The following AGBL4 variants were observed in gnomAD, a reference collection of about 807,000 sequenced individuals.
AGBL4 encodes the protein cytosolic carboxypeptidase 6.
A neutral mutation model predicts 66.4 loss-of-function variants in AGBL4; 58 were observed. The observed-to-expected ratio is 0.87, with a 90% CI of 0.71 to 1.09. The LOEUF (loss-of-function observed/expected upper bound fraction) is 1.09. AGBL4 is among the 50% of genes least tolerant of loss of function. AGBL4 has a pLI of 0.00. For missense variants in AGBL4, 579 were observed against 631.0 expected (o/e 0.92, Z 0.88); for synonymous variants, 234 against 222.9 (o/e 1.05, Z -0.44).
rs370337419 is a variant in AGBL4 at position 49,423,574 on chromosome 1, C to T, written c.283-177710G>A. Among the ~76,000 whole-genome samples the T allele has an allele frequency of 3.5e-4, 53 of 152,184 alleles. 1 individual carries two copies. In the South Asian group the frequency reaches 9.8e-3, roughly 28 times the overall value. On this transcript the variant is annotated intron_variant, in intron 3 of 13. Coordinates refer to ENST00000371839, the MANE Select transcript of AGBL4 (RefSeq NM_032785.4). ...CCTGTAATCCCAGCACTTTGGGAGG[C>T]CAAGGTGGGCAGATCACCTGAAGTC...
intron 6 of AGBL4, chr1:48,776,811 G>C (rs567114347): frequency 6.1e-5 from 93 of 1,521,822 alleles, no homozygotes; most frequent in Admixed American, 6.3e-5. Flanking sequence ...TGTCCTCCAG[G>C]AACCGCACAA....
intron 3 of AGBL4, among the ~76,000 whole-genome samples, chr1:49,486,087 G>T (rs1315180084): frequency 2.6e-5 from 4 of 151,932 alleles, no homozygotes; most frequent in South Asian, 2.1e-4. Context: ...TTTGGAAGGA[G>T]TCTGTGGAGT....
intron 2 of AGBL4, chr1:49,845,674 G>A: frequency 1.2e-6 from 2 of 1,605,366 alleles, no homozygotes; most frequent in South Asian, 2.2e-5. Flanking sequence ...TGAGTGCAGT[G>A]AGTCTGGGAA....
intron 3 of AGBL4, among the ~76,000 whole-genome samples, chr1:49,553,334 A>T (rs1370703391): frequency 6.6e-6 from 1 of 152,206 alleles, no homozygotes; most frequent in Non-Finnish European, 1.5e-5. Flanking sequence ...TGTCATAGTG[A>T]AACATCCTAA....
intron 3 of AGBL4, among the ~76,000 whole-genome samples, chr1:49,449,186 A>G (rs995090114): frequency 1.3e-5 from 2 of 152,056 alleles, no homozygotes; most frequent in African/African-American, 4.8e-5. Context: ...TAAAATGACT[A>G]AATTTATACA....
At chr1:49,976,963 G>C (rs1441576878) in intron 1 of AGBL4, among the ~76,000 whole-genome samples, 5 of 152,080 alleles carry the variant, frequency 3.3e-5, no homozygotes, top group South Asian at 4.1e-4. Flanking sequence ...TTAGTCTTTA[G>C]CCAATTTACT....
intron 3 of AGBL4, among the ~76,000 whole-genome samples, chr1:49,329,124 T>C (rs537710050): frequency 4.1e-4 from 63 of 152,072 alleles, no homozygotes; most frequent in African/African-American, 1.4e-3. Context: ...CTGGCCAACA[T>C]GGTGAAACCC....
chr1:48,683,350 G>C (rs892469041), intron 6 of AGBL4, among the ~76,000 whole-genome samples: 2 of 152,096 alleles, frequency 1.3e-5, no homozygotes, highest in African/African-American at 4.8e-5. Context: ...TCACATCGGG[G>C]GCTTCTAAAA....
chr1:48,732,896 G>C (rs1326050519), intron 6 of AGBL4, among the ~76,000 whole-genome samples: 1 of 152,166 alleles, frequency 6.6e-6, no homozygotes, highest in African/African-American at 2.4e-5. Context: ...AAACCAGAGA[G>C]ATGGGAAGAA....
chr1:48,579,376 C>T (rs1427302705), intron 11 of AGBL4, among the ~76,000 whole-genome samples: 1 of 151,386 alleles, frequency 6.6e-6, no homozygotes, highest in African/African-American at 2.4e-5. Context: ...TACAGGGGCC[C>T]GCCAACAAGT....
intron 6 of AGBL4, among the ~76,000 whole-genome samples, chr1:48,699,223 T>C (rs971298410): frequency 2.6e-5 from 4 of 152,202 alleles, no homozygotes; most frequent in African/African-American, 9.6e-5. Flanking sequence ...ACTGGCTAGG[T>C]TGCTTAATGC....
Position 49,071,575 on chromosome 1 carries a change from G to A in AGBL4, c.378-25775C>T, listed in dbSNP as rs1644604795. 1.3e-5 allele frequency among the ~76,000 whole-genome samples: 2 copies of A among 152,110 alleles called. 1 individual carries two copies. ...AGTTTTGAGTGAGTTTCTTAATCCT[G>A]AGTTCTAATTTGATTGCACTGTGGT... On this transcript the variant is annotated intron_variant, in intron 4 of 13. Transcript: ENST00000371839.
At chr1:49,558,888 T>C (rs965003261) in intron 3 of AGBL4, among the ~76,000 whole-genome samples, 2 of 152,166 alleles carry the variant, frequency 1.3e-5, no homozygotes, top group Non-Finnish European at 2.9e-5. Flanking sequence ...AAGTGCTGTG[T>C]CCTGTGACTT....
chr1:49,997,900 G>A (rs1479684295), intron 1 of AGBL4, among the ~76,000 whole-genome samples: 1 of 151,866 alleles, frequency 6.6e-6, no homozygotes, highest in Non-Finnish European at 1.5e-5. Context: ...AACTCCAAAA[G>A]GAACCCTCAA....
At chr1:49,226,733 TC>T (rs1649939737) in intron 4 of AGBL4, among the ~76,000 whole-genome samples, 1 of 152,198 alleles carries the variant, frequency 6.6e-6, no homozygotes, top group Non-Finnish European at 1.5e-5. Context: ...TCCCCTTTTT[TC>T]CCAATCACTA....
chr1:49,491,026 G>A (rs995305327), intron 3 of AGBL4, among the ~76,000 whole-genome samples: 6 of 151,664 alleles, frequency 4.0e-5, no homozygotes, highest in Admixed American at 3.9e-4. Flanking sequence ...TTGCCTATGA[G>A]CTTCTTAAAT....
chr1:48,550,977 T>C (rs1486081632), intron 11 of AGBL4, among the ~76,000 whole-genome samples: 1 of 152,250 alleles, frequency 6.6e-6, no homozygotes, highest in Non-Finnish European at 1.5e-5. Context: ...GATCCTTGTC[T>C]CTTATCTGAA....
At chr1:48,534,845 T>C (rs527402936) in intron 13 of AGBL4, 45 bp downstream of exon 13, 1 of 1,535,494 alleles carries the variant, frequency 6.5e-7, no homozygotes, top group East Asian at 2.4e-5. Flanking sequence ...AGCACATGCA[T>C]GGTATGTTAC....
At chr1:49,752,468 C>G (rs1651554177) in intron 2 of AGBL4, among the ~76,000 whole-genome samples, 1 of 151,902 alleles carries the variant, frequency 6.6e-6, no homozygotes, top group Non-Finnish European at 1.5e-5. Flanking sequence ...TTTGCATATA[C>G]TGAGGAGTCT....
Sources: allele counts gnomAD v4.1 joint callset (sites outside exome capture counted in the v4.1 genomes callset), GRCh38; gene constraint gnomAD v4.1.1; transcripts MANE v1.5; gene names NCBI Gene and HGNC (gene_info 2026-07-23, HGNC 2026-07-21).